GMDS: variants seen among roughly 807,000 people sequenced by gnomAD.
The protein encoded by GMDS is GDP-mannose 4,6 dehydratase.
In GMDS, 20 loss-of-function variants were observed where a neutral mutation model predicts 49.9. The observed-to-expected ratio is 0.40, with a 90% CI of 0.28 to 0.58. The LOEUF (loss-of-function observed/expected upper bound fraction) is 0.58. Among genes scored for constraint, GMDS ranks in the 20% least tolerant of loss-of-function variants. The pLI is 0.42. For missense variants in GMDS, 362 were observed against 481.4 expected, an observed-to-expected ratio of 0.75 and a Z score of 2.32; for synonymous variants, 177 against 178.6, an observed-to-expected ratio of 0.99 and a Z score of 0.07.
chr6:1,812,818 T>G (rs1406167360), intron 7 of GMDS, among the ~76,000 whole-genome samples: 1 of 152,220 alleles, frequency 6.6e-6, no homozygotes, highest in Non-Finnish European at 1.5e-5. Flanking sequence ...CTCAGTTTGA[T>G]GTAGATTTCT....
In GMDS at chr6:1,836,707, C is replaced by T. The variant is rs1756945365; in HGVS notation, c.771+93396G>A. On this transcript the variant is annotated intron_variant, in intron 7 of 10. Coordinates refer to ENST00000380815, the MANE Select transcript of GMDS (RefSeq NM_001500.4). This position sits in a 1 kb window ranked among gnomAD's most constrained non-coding sequence, Gnocchi z 4.2. ...TTCTTCACTGAATTTCGTATGGTTT[C>T]CCCTCTTCTTCTTATAAAACTCTAT... Among the ~76,000 whole-genome samples the T allele has an allele frequency of 6.6e-6, 1 of 152,146 alleles. No homozygotes were observed. Among genetic ancestry groups the T allele is most frequent in the Non-Finnish European group, 1.5e-5 (1 of 68,030 alleles).
At chr6:1,925,748 G>A (rs577317338) in intron 7 of GMDS, among the ~76,000 whole-genome samples, 206 of 152,310 alleles carry the variant, frequency 1.4e-3, no homozygotes, top group African/African-American at 4.7e-3. Context: ...GAGAAGGGCA[G>A]GTCCCTGGTG....
At chr6:1,876,681 T>C (rs1171473902) in intron 7 of GMDS, among the ~76,000 whole-genome samples, 1 of 152,228 alleles carries the variant, frequency 6.6e-6, no homozygotes, top group Non-Finnish European at 1.5e-5. Context: ...AGGAAAGCCT[T>C]CTGGAAACTC....
At chr6:1,717,586 G>A (rs957424466) in intron 9 of GMDS, 1 of 152,128 alleles carries the variant, frequency 6.6e-6, no homozygotes, top group East Asian at 1.9e-4. Flanking sequence ...CTACCCCTGG[G>A]TCAAGAAGCA....
chr6:2,166,991 T>C (rs932445), intron 1 of GMDS, among the ~76,000 whole-genome samples: 47,652 of 152,120 alleles, frequency 0.31, 9,027 homozygotes, highest in East Asian at 0.5. Flanking sequence ...GATGATTCAA[T>C]TGCAATTGCA....
chr6:2,198,675 A>C (rs1779379410), intron 1 of GMDS, among the ~76,000 whole-genome samples: 1 of 152,256 alleles, frequency 6.6e-6, no homozygotes, highest in Non-Finnish European at 1.5e-5. Flanking sequence ...TCAGAAAATT[A>C]TGTTTGCCTG....
At chr6:1,728,832 CCT>C (rs1325677889) in intron 8 of GMDS, among the ~76,000 whole-genome samples, 1 of 152,028 alleles carries the variant, frequency 6.6e-6, no homozygotes, top group African/African-American at 2.4e-5. Context: ...TTTCCTTTCT[CCT>C]CTTTCTTTTT....
intron 9 of GMDS, among the ~76,000 whole-genome samples, chr6:1,697,395 C>A (rs532245515): frequency 2.0e-5 from 3 of 152,338 alleles, no homozygotes; most frequent in Non-Finnish European, 4.4e-5. Context: ...TCATTTTCAG[C>A]AAGAATAATC....
At chr6:1,770,168 A>G (rs571898901) in intron 7 of GMDS, among the ~76,000 whole-genome samples, 5 of 152,350 alleles carry the variant, frequency 3.3e-5, no homozygotes, top group Admixed American at 2.0e-4. Flanking sequence ...GAATCTGATG[A>G]AAAATGAGGA....
intron 1 of GMDS, among the ~76,000 whole-genome samples, chr6:2,221,702 T>G (rs956252481): frequency 3.9e-5 from 6 of 152,204 alleles, no homozygotes; most frequent in African/African-American, 1.4e-4. Flanking sequence ...AATGTTCTTT[T>G]AACAAAGGGA....
At chr6:1,960,463 G>A (rs541430640) in intron 5 of GMDS, among the ~76,000 whole-genome samples, 2 of 151,950 alleles carry the variant, frequency 1.3e-5, no homozygotes, top group Admixed American at 6.5e-5. Flanking sequence ...TCTCATAACA[G>A]TTTAGAAAAA....
chr6:2,119,532 T>C (rs1470824514), intron 2 of GMDS, among the ~76,000 whole-genome samples: 6 of 152,218 alleles, frequency 3.9e-5, no homozygotes, highest in Non-Finnish European at 8.8e-5. Context: ...TGTCTGCTTC[T>C]GAGACAGGTG....
chr6:2,183,058 C>A (rs1246163088), intron 1 of GMDS, among the ~76,000 whole-genome samples: 1 of 152,096 alleles, frequency 6.6e-6, no homozygotes, highest in African/African-American at 2.4e-5. Context: ...ACCTAGTTAC[C>A]CAAGAGCTCT....
intron 4 of GMDS, among the ~76,000 whole-genome samples, chr6:1,990,640 C>T (rs1765875447): frequency 6.6e-6 from 1 of 152,154 alleles, no homozygotes; most frequent in African/African-American, 2.4e-5. Context: ...AGTGACACAA[C>T]CTCGGCTCAT....
chr6:1,631,567 C>T (rs1763003300), intron 9 of GMDS, among the ~76,000 whole-genome samples: 1 of 151,954 alleles, frequency 6.6e-6, no homozygotes, highest in African/African-American at 2.4e-5. Flanking sequence ...GGTTTTTTTC[C>T]TTTGTGGTTT....
rs1781817028 is a variant in GMDS at position 2,245,344 on chromosome 6, G to A, written c.79C>T (p.Leu27Phe). The A allele has an allele frequency of 6.4e-7, 1 of 1,552,644 alleles. No individual in the cohort carries two copies. Among genetic ancestry groups the A allele is most frequent in the East Asian group, 2.4e-5 (1 of 41,964 alleles). ...ACCTGGCCTGTGATACCGGTGATGA[G>A]CGCCACGTTCCTGGGCTTGCCCATC... is the stretch of plus-strand genomic sequence containing the variant. ...GEMGKPRNVALITGITGQDGS... is the reference protein window; with the variant it reads ...GEMGKPRNVAFITGITGQDGS... Residue 27 changes from leucine to phenylalanine, a missense_variant, in exon 1 of 11, where the codon CTC (leucine) becomes TTC (phenylalanine). Leu to Phe is a conservative substitution (Grantham distance 22, BLOSUM62 0). Transcript: ENST00000380815.
chr6:2,115,693 A>G, intron 4 of GMDS, 78 bp downstream of exon 4: 1 of 787,928 alleles, frequency 1.3e-6, no homozygotes, highest in South Asian at 1.4e-5. Context: ...ATATTACTAC[A>G]CTGAGAAGCA....
At chr6:1,831,728 C>T (rs1408142433) in intron 7 of GMDS, among the ~76,000 whole-genome samples, 1 of 152,094 alleles carries the variant, frequency 6.6e-6, no homozygotes, top group Admixed American at 6.6e-5. Flanking sequence ...GAGCTGAAGC[C>T]TGCTTCTAGA....
intron 1 of GMDS, among the ~76,000 whole-genome samples, chr6:2,208,677 T>C (rs1332689131): frequency 6.6e-6 from 1 of 152,198 alleles, no homozygotes; most frequent in African/African-American, 2.4e-5. Flanking sequence ...GAGCTCAATG[T>C]AGCTGAAATA....
Sources: gnomAD v4.1 joint callset for allele counts (sites outside exome capture counted in the v4.1 genomes callset) on GRCh38, gnomAD v4.1.1 for gene constraint, Gnocchi (gnomAD v3.1) non-coding constraint, MANE v1.5 for transcripts, NCBI Gene and HGNC (gene_info 2026-07-23, HGNC 2026-07-21) for gene names.